The following SLC27A6 variants were observed in gnomAD, a reference collection of about 807,000 sequenced individuals.
SLC27A6 encodes long-chain fatty acid transport protein 6.
SLC27A6 carries 74 observed loss-of-function variants against 63.9 expected under a neutral mutation model. The ratio of observed to expected loss-of-function variants is 1.16; its 90% CI spans 0.96 to 1.40. The LOEUF is 1.40. Among genes scored for constraint, SLC27A6 ranks in the 40% most tolerant of loss-of-function variants. The pLI is 0.00. For synonymous variants in SLC27A6, 287 were observed against 260.8 expected (o/e 1.10, Z -0.97); for missense variants, 794 against 732.9 (o/e 1.08, Z -0.96).
chr5:129,023,840 C>A, intron 6 of SLC27A6, 130 bp downstream of exon 6: 1 of 647,810 alleles, frequency 1.5e-6, no homozygotes, highest in Non-Finnish European at 2.7e-6. Flanking sequence ...GATGTTTGCT[C>A]CTTATATAAA....
chr5:129,028,252 C>A, intron 7 of SLC27A6, 93 bp from the exon 8 acceptor site: 1 of 772,960 alleles, frequency 1.3e-6, no homozygotes, highest in East Asian at 2.6e-5. Context: ...TAGGTGCTTG[C>A]ACAGTGCCAA....
intron 5 of SLC27A6, among the ~76,000 whole-genome samples, chr5:129,020,486 A>G (rs924031416): frequency 2.7e-5 from 4 of 149,004 alleles, no homozygotes; most frequent in Non-Finnish European, 4.4e-5. Context: ...ACTAACAAAA[A>G]TGGGAGTGGG....
chr5:129,016,035 A>G lies in SLC27A6; in HGVS notation c.1120A>G (p.Thr374Ala). 1.9e-6 allele frequency: 3 copies of G among 1,598,782 alleles called. No homozygotes were observed. The highest frequency in any genetic ancestry group is 1.7e-4 in the Middle Eastern group (1 of 6,016). The change falls in exon 5 of 10, where the codon ACT becomes GCT. Residue 374 changes from threonine to alanine, a missense_variant. By Grantham distance (58) the Thr-to-Ala change is moderately conservative. Coordinates refer to ENST00000262462, the MANE Select transcript of SLC27A6 (RefSeq NM_001017372.3). ...TESSISFMNY[T>A]GRIGAIGRTN... is the part of the protein sequence containing the mutation. ...ATCAAGCATATCTTTCATGAACTAC[A>G]CTGGGAGAATTGGAGCAATTGGGAG...
In SLC27A6 at chr5:129,029,668, T is replaced by C; in HGVS notation, c.1644T>C (p.Phe548=). 6.2e-7 allele frequency: 1 copy of C among 1,602,440 alleles called. No homozygotes were observed. The highest frequency in any genetic ancestry group is 8.5e-7 in the Non-Finnish European group (1 of 1,176,290). ...AAGTTTATGAACAAGTTGTAACATTTCTACCAGCTTATGCTTGTCCACGAT... is the reference window on the plus strand; with the variant it reads ...AAGTTTATGAACAAGTTGTAACATTCCTACCAGCTTATGCTTGTCCACGAT... ...LEKVYEQVVT[F]LPAYACPRFL... The change falls in exon 9 of 10, where the codon TTT becomes TTC. Residue 548 remains phenylalanine (F), a synonymous_variant. Coordinates refer to ENST00000262462, the MANE Select transcript of SLC27A6 (RefSeq NM_001017372.3).
intron 3 of SLC27A6, among the ~76,000 whole-genome samples, chr5:128,989,332 T>A (rs7730969): frequency 2.0e-5 from 3 of 152,050 alleles, no homozygotes; most frequent in Non-Finnish European, 4.4e-5. Flanking sequence ...TTGGTAGAGC[T>A]TGTGACTCAG....
Position 129,016,169 on chromosome 5 carries a change from G to T in SLC27A6, c.1164+90G>T, listed in dbSNP as rs562518180. On this transcript the variant is annotated intron_variant, in intron 5 of 9. Coordinates refer to ENST00000262462, the MANE Select transcript of SLC27A6 (RefSeq NM_001017372.3). ...ACACTTTGGGACGCCGAGGTGGGCA[G>T]ATCATGAGGTCAGGAGATCGAGACC... 1.4e-4 allele frequency: 117 copies of T among 863,808 alleles called. 1 individual carries two copies. The highest frequency in any genetic ancestry group is 4.0e-4 in the Admixed American group (15 of 37,914). 53.5% of individuals were successfully genotyped at this position (863,808 alleles called of 1,614,324 possible). A position where few individuals can be genotyped will look rare whatever the true frequency, so the allele number is the denominator to read the frequency against.
chr5:129,008,259 T>C (rs1303532709), intron 4 of SLC27A6, among the ~76,000 whole-genome samples: 1 of 152,156 alleles, frequency 6.6e-6, no homozygotes, highest in Non-Finnish European at 1.5e-5. Context: ...AAAGAGATCT[T>C]GGACATTAGA....
chr5:129,015,758 A>G (rs980654063), intron 4 of SLC27A6, 127 bp from the exon 5 acceptor site: 17 of 640,256 alleles, frequency 2.7e-5, no homozygotes, highest in Non-Finnish European at 2.4e-5. Flanking sequence ...ACTTATACAC[A>G]TATTTTAACT....
At chr5:128,970,707 C>A (rs948342556) in intron 1 of SLC27A6, among the ~76,000 whole-genome samples, 22 of 151,914 alleles carry the variant, frequency 1.4e-4, no homozygotes, top group Admixed American at 6.6e-5. Context: ...TTCAGAAAAC[C>A]AGCTCCTGGA....
intron 1 of SLC27A6, among the ~76,000 whole-genome samples, chr5:128,972,594 C>T (rs192247411): frequency 2.0e-5 from 3 of 152,326 alleles, no homozygotes; most frequent in Non-Finnish European, 4.4e-5. Context: ...ATGCAGTTCT[C>T]GTGCCATGGT....
At chr5:128,996,567 C>T (rs901993490) in intron 4 of SLC27A6, among the ~76,000 whole-genome samples, 6 of 151,886 alleles carry the variant, frequency 4.0e-5, no homozygotes, top group Non-Finnish European at 8.8e-5. Context: ...GCAGTGAGCC[C>T]CTAAGAGTTT....
intron 4 of SLC27A6, among the ~76,000 whole-genome samples, chr5:129,004,633 A>G (rs1751458206): frequency 6.6e-6 from 1 of 152,198 alleles, no homozygotes; most frequent in South Asian, 2.1e-4. Flanking sequence ...ATATCTCAAG[A>G]AGAATAAAAA....
chr5:128,987,245 G>T (rs1750821272), intron 2 of SLC27A6, among the ~76,000 whole-genome samples: 1 of 151,844 alleles, frequency 6.6e-6, no homozygotes, highest in African/African-American at 2.4e-5. Flanking sequence ...CTTGTCTGAG[G>T]AATCTGAATA....
At chr5:128,983,291 T>TTTG (rs1003181822) in intron 1 of SLC27A6, among the ~76,000 whole-genome samples, 9 of 145,798 alleles carry the variant, frequency 6.2e-5, no homozygotes, top group Admixed American at 4.1e-4. Flanking sequence ...TGATCCGGGT[T>TTTG]TTTTTTTTTT....
At chr5:128,992,697 A>G (rs1751024328) in intron 4 of SLC27A6, among the ~76,000 whole-genome samples, 1 of 152,194 alleles carries the variant, frequency 6.6e-6, no homozygotes, top group Admixed American at 6.5e-5. Context: ...ACAACCTCAC[A>G]TATTTTATCT....
chr5:128,976,527 AC>A (rs902388975), intron 1 of SLC27A6, among the ~76,000 whole-genome samples: 17 of 152,174 alleles, frequency 1.1e-4, no homozygotes, highest in African/African-American at 4.1e-4. Flanking sequence ...ACAAAACAAA[AC>A]AAAACAAAAC....
intron 4 of SLC27A6, among the ~76,000 whole-genome samples, chr5:129,007,421 C>T (rs552219617): frequency 2.1e-4 from 26 of 126,314 alleles, no homozygotes; most frequent in Non-Finnish European, 2.8e-4. Context: ...CCAGCCTGGG[C>T]GACAGAGCGA....
Position 129,016,065 on chromosome 5 carries a change from A to C in SLC27A6, c.1150A>C (p.Asn384His). Residue 384 changes from asparagine (N) to histidine (H), a missense_variant, in exon 5 of 10, where the codon AAT becomes CAT. By Grantham distance (68) the Asn-to-His change is moderately conservative. Coordinates refer to ENST00000262462, the MANE Select transcript of SLC27A6 (RefSeq NM_001017372.3). The stretch of plus-strand genomic sequence containing the variant: ...GAGAATTGGAGCAATTGGGAGAACA[A>C]ATTTGTTTTACAAAGTAAGTACAGC... ...TGRIGAIGRT[N>H]LFYKLLSTFD... 1.3e-6 allele frequency: 2 copies of C among 1,590,118 alleles called. No individual in the cohort carries two copies. The highest frequency in any genetic ancestry group is 1.7e-6 in the Non-Finnish European group (2 of 1,173,030).
chr5:129,028,421 G>A lies in SLC27A6; in HGVS notation c.1531G>A (p.Val511Ile), dbSNP rs139271849. Residue 511 changes from valine (V) to isoleucine (I), a missense_variant, in exon 8 of 10, where the codon GTC (valine) becomes ATC (isoleucine). By Grantham distance (29) the Val-to-Ile change is conservative. Coordinates refer to ENST00000262462, the MANE Select transcript of SLC27A6 (RefSeq NM_001017372.3). ...GMLDFIQEAN[V>I]YGVAISGYEG... ...GTTGGATTTCATACAGGAAGCAAAC[G>A]TCTATGGTGTGGCTATATCAGGTAT... The A allele has an allele frequency of 7.2e-5, 116 of 1,601,498 alleles. No individual in the cohort carries two copies. In the East Asian group the frequency reaches 1.2e-3, roughly 16 times the overall value.
Sources: allele counts gnomAD v4.1 joint callset (sites outside exome capture counted in the v4.1 genomes callset), GRCh38; gene constraint gnomAD v4.1.1; transcripts MANE v1.5; gene names NCBI Gene and HGNC (gene_info 2026-07-23, HGNC 2026-07-21).